Variants in CAP2 observed in about 807,000 individuals in gnomAD.
CAP2 encodes the protein adenylyl cyclase-associated protein 2.
In CAP2, 24 loss-of-function variants were observed where a neutral mutation model predicts 57.7. That is an observed-to-expected ratio of 0.42 (90% CI 0.30 to 0.58). The LOEUF (loss-of-function observed/expected upper bound fraction) is 0.58. CAP2 is among the 20% of genes least tolerant of loss of function. CAP2 has a pLI of 0.22. For missense variants in CAP2, 501 were observed against 590.3 expected, an observed-to-expected ratio of 0.85 and a Z score of 1.57; for synonymous variants, 194 against 207.2, an observed-to-expected ratio of 0.94 and a Z score of 0.55.
chr6:17,461,836 C>T (rs1393475590), intron 3 of CAP2, among the ~76,000 whole-genome samples: 1 of 149,072 alleles, frequency 6.7e-6, no homozygotes, highest in South Asian at 2.1e-4. Flanking sequence ...ACTAAAAATA[C>T]AAAAAAATTA....
intron 3 of CAP2, among the ~76,000 whole-genome samples, chr6:17,433,982 G>C (rs554395300): frequency 1.3e-5 from 2 of 151,994 alleles, no homozygotes; most frequent in East Asian, 3.9e-4. Context: ...ACCAGACTTC[G>C]AAGGGCCACC....
chr6:17,448,235 C>T (rs1760312894), intron 3 of CAP2, among the ~76,000 whole-genome samples: 1 of 152,202 alleles, frequency 6.6e-6, no homozygotes, highest in Non-Finnish European at 1.5e-5. Flanking sequence ...AGCCAAGTGT[C>T]CTTTATTTGT....
At chr6:17,467,819 G>A (rs1322324425) in intron 4 of CAP2, among the ~76,000 whole-genome samples, 3 of 152,062 alleles carry the variant, frequency 2.0e-5, no homozygotes, top group East Asian at 1.9e-4. Flanking sequence ...CACAGCACCC[G>A]GCCTACTCTT....
intron 3 of CAP2, among the ~76,000 whole-genome samples, chr6:17,456,537 AAAC>A (rs1290184785): frequency 1.3e-5 from 2 of 152,174 alleles, no homozygotes; most frequent in Non-Finnish European, 2.9e-5. Context: ...AGAGGACCCT[AAAC>A]AACAAATCTG....
intron 6 of CAP2, among the ~76,000 whole-genome samples, chr6:17,509,413 C>T (rs532881569): frequency 6.6e-6 from 1 of 152,148 alleles, no homozygotes; most frequent in Non-Finnish European, 1.5e-5. Flanking sequence ...TGTGGTGGCT[C>T]ACTCCTGTAA....
At chr6:17,444,803 TCCACACACACAC>T (rs1760206378) in intron 3 of CAP2, among the ~76,000 whole-genome samples, 1 of 76,634 alleles carries the variant, frequency 1.3e-5, no homozygotes, top group African/African-American at 4.5e-5. Flanking sequence ...TTTCTCTCTC[TCCACACACACAC>T]ACACACACAC....
chr6:17,435,702 AAAG>A (rs1191437152), intron 3 of CAP2, among the ~76,000 whole-genome samples: 8 of 139,352 alleles, frequency 5.7e-5, no homozygotes, highest in African/African-American at 2.1e-4. Flanking sequence ...AAAAAAAAAA[AAAG>A]AAGTTTACGG....
At chr6:17,529,929 G>A (rs573493159) in intron 7 of CAP2, among the ~76,000 whole-genome samples, 1 of 151,944 alleles carries the variant, frequency 6.6e-6, no homozygotes, top group East Asian at 1.9e-4. Flanking sequence ...CAAGGTGGGA[G>A]GCTCTCTTGA....
intron 1 of CAP2, among the ~76,000 whole-genome samples, chr6:17,404,283 C>T (rs1758890521): frequency 6.6e-6 from 1 of 151,894 alleles, no homozygotes; most frequent in East Asian, 1.9e-4. Flanking sequence ...CCAGCCTGGC[C>T]AACATAGTAA....
chr6:17,536,169 G>A (rs1762768537), intron 7 of CAP2: 1 of 456,440 alleles, frequency 2.2e-6, no homozygotes, highest in Non-Finnish European at 4.4e-6. Context: ...GTCAGGCTGT[G>A]ATTCCACTTG....
chr6:17,541,208 C>T, intron 9 of CAP2, 60 bp downstream of exon 9: 2 of 1,315,148 alleles, frequency 1.5e-6, no homozygotes, highest in Non-Finnish European at 2.1e-6. Flanking sequence ...GACCAACAGC[C>T]AAACCATTTA....
intron 1 of CAP2, among the ~76,000 whole-genome samples, chr6:17,399,863 C>T (rs1758763865): frequency 6.6e-6 from 1 of 152,048 alleles, no homozygotes; most frequent in African/African-American, 2.4e-5. Context: ...AGGGAGGTAA[C>T]CTAAATGGCA....
chr6:17,426,119 A>C lies in CAP2; in HGVS notation c.122-471A>C, dbSNP rs141548760. On this transcript the variant is annotated intron_variant, in intron 2 of 12. Transcript: ENST00000229922. Reference sequence around the variant, plus strand: ...AAAAACAAACAAACAAACAAACAAAAAAACCAAACACATTGATTGAGTGAA... The same window carrying C: ...AAAAACAAACAAACAAACAAACAAACAAACCAAACACATTGATTGAGTGAA... Among the ~76,000 whole-genome samples, 906 of 152,170 alleles carry C rather than the reference A, an allele frequency of 6.0e-3. 10 individuals are homozygous for C. Among genetic ancestry groups the C allele is most frequent in the African/African-American group, 0.021 (865 of 41,526 alleles).
In CAP2 at chr6:17,433,169, G is replaced by A. The variant is rs929460214; in HGVS notation, c.222+6479G>A. On this transcript the variant is annotated intron_variant, in intron 3 of 12. Coordinates refer to ENST00000229922, the MANE Select transcript of CAP2 (RefSeq NM_006366.3). ...ACCTACTTTAACCTGCAGTAGGATGGCCTCATCACCATTGTAAAAAGCATC... is the reference window on the plus strand; with the variant it reads ...ACCTACTTTAACCTGCAGTAGGATGACCTCATCACCATTGTAAAAAGCATC... Among the ~76,000 whole-genome samples, 5 of 152,104 alleles carry A rather than the reference G, an allele frequency of 3.3e-5. No individual in the cohort carries two copies. In the East Asian group the frequency reaches 9.6e-4, roughly 29 times the overall value.
At position 17,556,719 on chromosome 6, in the gene CAP2, C is replaced by A; in HGVS notation, c.*277C>A. Reference sequence around the variant, plus strand: ...GGAAAAAAAAAAAGAATTCTGTTCCCCTCATATCATGAACACAGTAACTGA... The same window carrying A: ...GGAAAAAAAAAAAGAATTCTGTTCCACTCATATCATGAACACAGTAACTGA... On this transcript the variant is annotated 3_prime_UTR_variant, in exon 13 of 13. Coordinates refer to ENST00000229922, the MANE Select transcript of CAP2 (RefSeq NM_006366.3). 1 of 400,618 alleles carries A rather than the reference C, an allele frequency of 2.5e-6. No homozygotes were observed. The highest frequency in any genetic ancestry group is 4.5e-6 in the Non-Finnish European group (1 of 222,218). 24.8% of individuals were successfully genotyped at this position (400,618 alleles called of 1,614,324 possible). A position where few individuals can be genotyped will look rare whatever the true frequency, so the allele number is the denominator to read the frequency against.
intron 4 of CAP2, among the ~76,000 whole-genome samples, chr6:17,476,103 C>T (rs1761145794): frequency 6.6e-6 from 1 of 152,158 alleles, no homozygotes. Flanking sequence ...ACCAGCTTGA[C>T]AGCAAATTAA....
intron 3 of CAP2, among the ~76,000 whole-genome samples, chr6:17,460,588 T>G (rs1760691507): frequency 6.6e-6 from 1 of 152,226 alleles, no homozygotes; most frequent in African/African-American, 2.4e-5. Flanking sequence ...TTATAACATG[T>G]CATTTTAGAG....
intron 4 of CAP2, among the ~76,000 whole-genome samples, chr6:17,487,957 T>C (rs1224317574): frequency 6.6e-6 from 1 of 151,952 alleles, no homozygotes; most frequent in Non-Finnish European, 1.5e-5. Flanking sequence ...TTTGTTTGTT[T>C]GTTTGTTTGT....
intron 4 of CAP2, among the ~76,000 whole-genome samples, chr6:17,497,737 A>G (rs1259359550): frequency 6.6e-6 from 1 of 152,222 alleles, no homozygotes; most frequent in Non-Finnish European, 1.5e-5. Flanking sequence ...AGTTGGCTGC[A>G]CACTGATGCA....
Sources: gnomAD v4.1 joint callset for allele counts (sites outside exome capture counted in the v4.1 genomes callset) on GRCh38, gnomAD v4.1.1 for gene constraint, MANE v1.5 for transcripts, NCBI Gene and HGNC (gene_info 2026-07-23, HGNC 2026-07-21) for gene names.